MYO18B: variants seen among roughly 807,000 people sequenced by gnomAD.
The protein encoded by MYO18B is myosin XVIIIB.
MYO18B carries 204 observed loss-of-function variants against 273.0 expected under a neutral mutation model. That is an observed-to-expected ratio of 0.75 (90% confidence interval 0.67 to 0.84). MYO18B has a LOEUF of 0.84. MYO18B is among the 40% of genes least tolerant of loss of function. The pLI is 0.00. For missense variants in MYO18B, 3,212 were observed against 3,287.6 expected, an observed-to-expected ratio of 0.98 and a Z score of 0.56; for synonymous variants, 1,330 against 1,305.7, an observed-to-expected ratio of 1.02 and a Z score of -0.40.
downstream of MYO18B, among the ~76,000 whole-genome samples, chr22:26,034,216 G>A (rs1220993915): frequency 6.6e-6 from 1 of 152,202 alleles, no homozygotes; most frequent in African/African-American, 2.4e-5. Context: ...AGTGGGCCCT[G>A]ATGTCACATA....
At chr22:25,861,299 C>T (rs1051232765) in intron 21 of MYO18B, among the ~76,000 whole-genome samples, 3 of 152,258 alleles carry the variant, frequency 2.0e-5, no homozygotes, top group Admixed American at 6.5e-5. Context: ...ATTTTTGCTT[C>T]ACATGTTTTG....
Position 25,869,642 on chromosome 22 carries a change from G to C in MYO18B, c.3951+1257G>C, listed in dbSNP as rs372960146. Among the ~76,000 whole-genome samples the C allele has an allele frequency of 2.2e-3, 328 of 152,156 alleles. 18 individuals carry two copies. The South Asian group carries it at 0.067, about 31-fold the overall frequency. ...CCACCTCCAGGAGCTATGTGAGGTG[G>C]TGGGAGGGTTCTGCTCTCCAGGAGC... is the stretch of plus-strand genomic sequence containing the variant. On this transcript the variant is annotated intron_variant, in intron 22 of 43. Coordinates refer to ENST00000335473, the MANE Select transcript of MYO18B (RefSeq NM_032608.7).
chr22:25,962,825 CACG>C (rs1368919550), intron 39 of MYO18B, among the ~76,000 whole-genome samples: 1 of 152,174 alleles, frequency 6.6e-6, no homozygotes, highest in African/African-American at 2.4e-5. Context: ...TCATGTTTAT[CACG>C]ACATCTCTCA....
chr22:25,772,974 C>T (rs997601116), intron 7 of MYO18B, among the ~76,000 whole-genome samples: 1 of 152,196 alleles, frequency 6.6e-6, no homozygotes, highest in African/African-American at 2.4e-5. Context: ...CTCCTGTGTG[C>T]TCTTCATCCC....
intron 12 of MYO18B, among the ~76,000 whole-genome samples, chr22:25,800,627 G>C (rs906082337): frequency 6.6e-6 from 1 of 152,234 alleles, no homozygotes; most frequent in African/African-American, 2.4e-5. Context: ...ACCCCTGGGA[G>C]ACTCTGAGGA....
At chr22:25,792,977 G>A (rs2038325) in intron 11 of MYO18B, among the ~76,000 whole-genome samples, 107,132 of 151,894 alleles carry the variant, frequency 0.71, 37,948 homozygotes, top group East Asian at 0.86. Flanking sequence ...TGGACTGGGA[G>A]CCCCTTGAGG....
chr22:25,807,017 CTT>C (rs2088510017), intron 12 of MYO18B, among the ~76,000 whole-genome samples: 3 of 152,216 alleles, frequency 2.0e-5, no homozygotes, highest in Admixed American at 2.0e-4. Context: ...CAGTAACTCT[CTT>C]TTCTTTGCAA....
chr22:25,794,576 C>T (rs2145739602), intron 11 of MYO18B, among the ~76,000 whole-genome samples: 1 of 152,112 alleles, frequency 6.6e-6, no homozygotes, highest in Non-Finnish European at 1.5e-5. Context: ...GCAATCTTGT[C>T]TCACTGCAAG....
At chr22:26,007,855 A>G (rs1175327971) in intron 42 of MYO18B, among the ~76,000 whole-genome samples, 1 of 152,194 alleles carries the variant, frequency 6.6e-6, no homozygotes, top group Non-Finnish European at 1.5e-5. Flanking sequence ...AACTTAAAAT[A>G]TATCAGAAGG....
chr22:25,823,682 C>G lies in MYO18B; in HGVS notation c.2695+4C>G, dbSNP rs377199496. ...GAGGATGAGGAAACCAGCTCAGGTACATGGCTGCTGCCTCTTTGGGTGAGC... is the reference window on the plus strand; with the variant it reads ...GAGGATGAGGAAACCAGCTCAGGTAGATGGCTGCTGCCTCTTTGGGTGAGC... On this transcript the variant is annotated splice_donor_region_variant and intron_variant, in intron 13 of 43. Coordinates refer to ENST00000335473, the MANE Select transcript of MYO18B (RefSeq NM_032608.7). The G allele has an allele frequency of 4.5e-5, 72 of 1,613,738 alleles. No individual in the cohort carries two copies. Among genetic ancestry groups the G allele is most frequent in the Non-Finnish European group, 5.9e-5 (70 of 1,179,802 alleles).
chr22:25,900,206 T>C (rs948855347), intron 29 of MYO18B: 4 of 152,262 alleles, frequency 2.6e-5, no homozygotes, highest in African/African-American at 9.6e-5. Flanking sequence ...CCCTCTGCTC[T>C]GTTACCATCT....
In MYO18B at chr22:25,785,492, G is replaced by T. The variant is rs373503859; in HGVS notation, c.2376+1G>T. On this transcript the variant is annotated splice_donor_variant, in intron 11 of 43. Coordinates refer to ENST00000335473, the MANE Select transcript of MYO18B (RefSeq NM_032608.7). LOFTEE classifies it high-confidence loss of function. ...CTTTGGCATGGGCGTGTGGTCCAAG[G>T]TAAGGAGGAGGTCCCTCACGGGTGG... 1 of 1,611,926 alleles carries T rather than the reference G, an allele frequency of 6.2e-7. No homozygotes were observed. The highest frequency in any genetic ancestry group is 8.5e-7 in the Non-Finnish European group (1 of 1,179,164).
chr22:25,999,800 C>T (rs1601800503), intron 40 of MYO18B, among the ~76,000 whole-genome samples: 1 of 151,948 alleles, frequency 6.6e-6, no homozygotes, highest in African/African-American at 2.4e-5. Context: ...GGACTACAGG[C>T]ACACGCCACC....
intron 7 of MYO18B, among the ~76,000 whole-genome samples, chr22:25,773,772 C>T (rs1299414663): frequency 6.6e-6 from 1 of 152,166 alleles, no homozygotes; most frequent in African/African-American, 2.4e-5. Context: ...CGATTTGTAT[C>T]TATTTTTTAT....
intron 21 of MYO18B, among the ~76,000 whole-genome samples, chr22:25,867,786 T>C (rs527275379): frequency 6.6e-6 from 1 of 152,122 alleles, no homozygotes; most frequent in South Asian, 2.1e-4. Flanking sequence ...CCCGCCACCA[T>C]GCCCGACTAT....
chr22:25,955,195 T>C lies in MYO18B; in HGVS notation c.5987T>C (p.Leu1996Pro), dbSNP rs1233482310. The change falls in exon 39 of 44, where the codon CTT (leucine) becomes CCT (proline). Residue 1996 changes from leucine to proline, a missense_variant. Coordinates refer to ENST00000335473, the MANE Select transcript of MYO18B (RefSeq NM_032608.7). ...IKRFEVLVIR[L>P]RDSLIKMGEE... ...CCCTCCCAGGTCCTGGTGATCCGGC[T>C]TCGGGACAGCCTGATCAAGATGGGG... 1 of 1,610,074 alleles carries C rather than the reference T, an allele frequency of 6.2e-7. No individual in the cohort carries two copies. Among genetic ancestry groups the C allele is most frequent in the East Asian group, 2.2e-5 (1 of 44,806 alleles).
chr22:25,967,001 T>G (rs1042861717), intron 39 of MYO18B, among the ~76,000 whole-genome samples: 1 of 152,232 alleles, frequency 6.6e-6, no homozygotes, highest in Non-Finnish European at 1.5e-5. Context: ...CCCCGACTTG[T>G]GGCTTTGTTT....
At chr22:25,834,786 CCTT>C (rs1175287143) in intron 16 of MYO18B, among the ~76,000 whole-genome samples, 1 of 152,200 alleles carries the variant, frequency 6.6e-6, no homozygotes, top group African/African-American at 2.4e-5. Context: ...CTCGTGTTCA[CCTT>C]CTTCTCTGAA....
Position 25,865,543 on chromosome 22 carries a change from T to C in MYO18B, c.3886-2777T>C, listed in dbSNP as rs114023655. On this transcript the variant is annotated intron_variant, in intron 21 of 43. Transcript: ENST00000335473. ...ATAACTCCTAACATTTATTGAGTGC[T>C]TACTATATGCCAGGTGCTATGTAGC... Among the ~76,000 whole-genome samples, 1,512 of 152,338 alleles carry C rather than the reference T, an allele frequency of 9.9e-3. 21 individuals are homozygous for C. The highest frequency in any genetic ancestry group is 0.035 in the African/African-American group (1,442 of 41,576).
Sources: gnomAD v4.1 joint callset for allele counts (sites outside exome capture counted in the v4.1 genomes callset) on GRCh38, gnomAD v4.1.1 for gene constraint, MANE v1.5 for transcripts, NCBI Gene and HGNC (gene_info 2026-07-23, HGNC 2026-07-21) for gene names.